EIF4G3: variants seen among roughly 807,000 people sequenced by gnomAD.
EIF4G3 encodes the protein eIF-4-gamma 3.
Under a neutral mutation model 186.4 loss-of-function variants are expected in EIF4G3, and 34 were observed. The ratio of observed to expected loss-of-function variants is 0.18; its 90% confidence interval spans 0.14 to 0.24. The LOEUF (loss-of-function observed/expected upper bound fraction) is 0.24. EIF4G3 is among the 10% of genes least tolerant of loss of function. The probability of loss-of-function intolerance (pLI) is 1.00; values close to 1 mark genes in which losing one functional copy is unlikely to be tolerated. For missense variants in EIF4G3, 1,536 were observed against 1,948.5 expected, an observed-to-expected ratio of 0.79 and a Z score of 3.99; for synonymous variants, 673 against 679.5, an observed-to-expected ratio of 0.99 and a Z score of 0.15.
chr1:21,033,930 A>T (rs1317479700), intron 4 of EIF4G3, among the ~76,000 whole-genome samples: 4 of 152,138 alleles, frequency 2.6e-5, no homozygotes, highest in Non-Finnish European at 5.9e-5. Flanking sequence ...ATAAAAAAAA[A>T]TTTTACAAAT....
chr1:20,905,010 A>T (rs2091633795), intron 14 of EIF4G3, 39 bp from the exon 15 acceptor site: 1 of 1,469,520 alleles, frequency 6.8e-7, no homozygotes, highest in South Asian at 1.2e-5. Flanking sequence ...GCCACTGCAA[A>T]GTCATTCTGA....
chr1:21,110,726 C>T (rs1449659403), intron 2 of EIF4G3, among the ~76,000 whole-genome samples: 2 of 126,050 alleles, frequency 1.6e-5, no homozygotes, highest in African/African-American at 2.6e-5. Flanking sequence ...GGCACCACGC[C>T]CAGCCTTTTT....
chr1:21,160,333 T>C (rs548579754), intron 2 of EIF4G3, among the ~76,000 whole-genome samples: 2 of 152,164 alleles, frequency 1.3e-5, no homozygotes, highest in South Asian at 4.1e-4. Context: ...TCAATAAATG[T>C]AGAAGGAAAG....
In EIF4G3 at chr1:21,057,439, C is replaced by T. The variant is rs145437555; in HGVS notation, c.-195-6445G>A. 2.4e-3 allele frequency among the ~76,000 whole-genome samples: 359 copies of T among 152,084 alleles called. 2 individuals are homozygous for T. Among genetic ancestry groups the T allele is most frequent in the Admixed American group, 4.5e-3 (68 of 15,272 alleles). On this transcript the variant is annotated intron_variant, in intron 3 of 36. Transcript: ENST00000602326. ...TTCCATTTATCCAAATATCCAAAAC[C>T]GGCAAAACTTGACCGTATTAGTCAA...
chr1:21,083,523 C>T (rs1225010432), intron 3 of EIF4G3, among the ~76,000 whole-genome samples: 3 of 151,542 alleles, frequency 2.0e-5, no homozygotes, highest in East Asian at 3.9e-4. Flanking sequence ...AGGGTTTCAC[C>T]ATGTTGCCCA....
chr1:21,014,278 A>G (rs1219817252), intron 4 of EIF4G3, among the ~76,000 whole-genome samples: 1 of 152,242 alleles, frequency 6.6e-6, no homozygotes, highest in Non-Finnish European at 1.5e-5. Flanking sequence ...GCCCAGTTCA[A>G]AAGTTAAAGA....
At chr1:21,119,586 G>A (rs2096890939) in intron 2 of EIF4G3, among the ~76,000 whole-genome samples, 1 of 151,996 alleles carries the variant, frequency 6.6e-6, no homozygotes, top group Admixed American at 6.5e-5. Flanking sequence ...AACTTTATTT[G>A]GCAAACAAAA....
chr1:20,974,036 A>T (rs2076371611), intron 10 of EIF4G3, among the ~76,000 whole-genome samples: 1 of 152,180 alleles, frequency 6.6e-6, no homozygotes, highest in South Asian at 2.1e-4. Context: ...TGAGCAAGTG[A>T]AAGAACAGAG....
At chr1:20,840,777 T>TA in intron 30 of EIF4G3, 79 bp downstream of exon 30, 1 of 1,346,400 alleles carries the variant, frequency 7.4e-7, no homozygotes, top group Non-Finnish European at 1.0e-6. Flanking sequence ...ACTAAATACT[T>TA]AAAGAGGTAA....
At chr1:20,855,231 A>C (rs1341452953) in intron 25 of EIF4G3, among the ~76,000 whole-genome samples, 160 bp from the exon 26 acceptor site, 1 of 152,224 alleles carries the variant, frequency 6.6e-6, no homozygotes, top group Non-Finnish European at 1.5e-5. Flanking sequence ...TGTTCTCATT[A>C]AACTGGGATC....
chr1:20,807,937 C>CCT (rs2058405837), intron 36 of EIF4G3, among the ~76,000 whole-genome samples: 1 of 150,964 alleles, frequency 6.6e-6, no homozygotes, highest in Non-Finnish European at 1.5e-5. Context: ...ATTTTTCCTG[C>CCT]CTCAGCCTCT....
intron 2 of EIF4G3, among the ~76,000 whole-genome samples, chr1:21,151,877 A>T (rs2097557352): frequency 2.0e-5 from 3 of 152,100 alleles, no homozygotes. Context: ...CACCCACTCC[A>T]CTTGGAAAAA....
At chr1:20,901,318 A>G (rs1191147281) in intron 15 of EIF4G3, among the ~76,000 whole-genome samples, 2 of 152,202 alleles carry the variant, frequency 1.3e-5, no homozygotes, top group South Asian at 2.1e-4. Context: ...TTTAGACTCT[A>G]CTATAGTCTA....
At chr1:20,814,907 C>A (rs1250889142) in intron 34 of EIF4G3, among the ~76,000 whole-genome samples, 4 of 116,014 alleles carry the variant, frequency 3.4e-5, no homozygotes, top group Non-Finnish European at 5.4e-5. Context: ...CTCAGCCTGC[C>A]GAGTGCCTGC....
intron 4 of EIF4G3, among the ~76,000 whole-genome samples, chr1:21,016,362 G>A (rs766726966): frequency 3.9e-5 from 6 of 152,174 alleles, no homozygotes; most frequent in Non-Finnish European, 7.3e-5. Flanking sequence ...ACAAAAGGCA[G>A]TAAGGGAGGA....
chr1:20,886,460 G>T, intron 18 of EIF4G3, 89 bp from the exon 19 acceptor site: 1 of 1,289,946 alleles, frequency 7.8e-7, no homozygotes, highest in Non-Finnish European at 1.1e-6. Context: ...ACTACGCCAA[G>T]CAATGCTAGA....
intron 3 of EIF4G3, among the ~76,000 whole-genome samples, chr1:21,076,827 A>G (rs2095603723): frequency 6.6e-6 from 1 of 152,192 alleles, no homozygotes. Flanking sequence ...AAGATCTGAA[A>G]CCATGAAACG....
At chr1:21,137,581 G>A (rs1430984357) in intron 2 of EIF4G3, among the ~76,000 whole-genome samples, 2 of 152,126 alleles carry the variant, frequency 1.3e-5, no homozygotes, top group Non-Finnish European at 2.9e-5. Flanking sequence ...GTTAGAGGCA[G>A]GAGGATCACT....
chr1:20,830,971 T>C (rs1390310694), intron 30 of EIF4G3, among the ~76,000 whole-genome samples: 1 of 152,208 alleles, frequency 6.6e-6, no homozygotes, highest in East Asian at 1.9e-4. Flanking sequence ...CACTACTACA[T>C]AGCCTATATT....
Sources: gnomAD v4.1 joint callset for allele counts (sites outside exome capture counted in the v4.1 genomes callset) on GRCh38, gnomAD v4.1.1 for gene constraint, MANE v1.5 for transcripts, NCBI Gene and HGNC (gene_info 2026-07-23, HGNC 2026-07-21) for gene names.